Variants in MACROD2 observed in about 807,000 individuals in gnomAD.
The protein encoded by MACROD2 is mono-ADP ribosylhydrolase 2.
A neutral mutation model predicts 70.4 loss-of-function variants in MACROD2; 36 were observed. The observed-to-expected ratio is 0.51, with a 90% confidence interval of 0.39 to 0.68. MACROD2 has a LOEUF of 0.68. MACROD2 is among the 30% of genes least tolerant of loss of function. MACROD2 has a pLI of 0.00. For missense variants in MACROD2, 496 were observed against 538.4 expected (o/e 0.92, Z 0.78); for synonymous variants, 172 against 178.8 (o/e 0.96, Z 0.30).
At chr20:15,530,274 G>A (rs1329279002) in intron 8 of MACROD2, among the ~76,000 whole-genome samples, 1 of 152,130 alleles carries the variant, frequency 6.6e-6, no homozygotes, top group Non-Finnish European at 1.5e-5. Flanking sequence ...TTGGGTTAAA[G>A]ATTAAGTGAT....
At chr20:15,675,451 C>T (rs749151670) in intron 8 of MACROD2, among the ~76,000 whole-genome samples, 3 of 152,200 alleles carry the variant, frequency 2.0e-5, no homozygotes, top group African/African-American at 7.2e-5. Context: ...CTACTTTTAT[C>T]TGTGACACTA....
intron 4 of MACROD2, among the ~76,000 whole-genome samples, chr20:14,541,208 GGTACTC>G (rs1412160810): frequency 6.6e-6 from 1 of 152,022 alleles, no homozygotes; most frequent in Non-Finnish European, 1.5e-5. Flanking sequence ...TGTGACAATA[GGTACTC>G]TGAAAGGGGA....
chr20:14,924,877 G>A (rs1242208589), intron 5 of MACROD2, among the ~76,000 whole-genome samples: 2 of 151,988 alleles, frequency 1.3e-5, no homozygotes, highest in Admixed American at 6.6e-5. Context: ...GGGCTGAAAG[G>A]GAAGGTACAA....
At chr20:15,420,773 T>G (rs1276908406) in intron 6 of MACROD2, among the ~76,000 whole-genome samples, 1 of 152,146 alleles carries the variant, frequency 6.6e-6, no homozygotes, top group East Asian at 1.9e-4. Flanking sequence ...CAGAATATAT[T>G]AGGTAGAAAC....
chr20:15,361,190 A>G (rs182308023), intron 6 of MACROD2, among the ~76,000 whole-genome samples: 4 of 152,272 alleles, frequency 2.6e-5, no homozygotes, highest in Non-Finnish European at 4.4e-5. Context: ...TCATAGTTTT[A>G]TATTTTATAC....
intron 5 of MACROD2, among the ~76,000 whole-genome samples, chr20:15,063,176 C>T (rs1011810253): frequency 1.3e-5 from 2 of 152,094 alleles, no homozygotes; most frequent in African/African-American, 2.4e-5. Context: ...AACCATGATA[C>T]GCTGGAGTAA....
chr20:14,030,457 G>C (rs973835008), intron 2 of MACROD2, among the ~76,000 whole-genome samples: 1 of 151,944 alleles, frequency 6.6e-6, no homozygotes, highest in Non-Finnish European at 1.5e-5. Flanking sequence ...TGCCCAGGCT[G>C]ACGTGCAGTG....
intron 3 of MACROD2, among the ~76,000 whole-genome samples, chr20:14,300,502 A>C (rs1013528804): frequency 6.6e-6 from 1 of 152,136 alleles, no homozygotes; most frequent in African/African-American, 2.4e-5. Flanking sequence ...CATTTATTTC[A>C]AGTGGAAACT....
At chr20:15,771,766 A>G (rs2051631514) in intron 8 of MACROD2, among the ~76,000 whole-genome samples, 1 of 151,936 alleles carries the variant, frequency 6.6e-6, no homozygotes, top group Non-Finnish European at 1.5e-5. Flanking sequence ...ATATGACCCT[A>G]TAATTACACA....
intron 5 of MACROD2, among the ~76,000 whole-genome samples, chr20:14,966,143 G>A (rs944304185): frequency 6.6e-6 from 1 of 152,132 alleles, no homozygotes; most frequent in Admixed American, 6.5e-5. Context: ...AACTCCATAA[G>A]CAATAAAGCC....
chr20:15,290,310 T>C (rs1049571304), intron 6 of MACROD2, among the ~76,000 whole-genome samples: 1 of 152,214 alleles, frequency 6.6e-6, no homozygotes, highest in Admixed American at 6.5e-5. Flanking sequence ...GCATTATTTA[T>C]CTCAAAATGC....
chr20:15,245,472 G>A (rs1246841487), intron 6 of MACROD2, among the ~76,000 whole-genome samples: 2 of 152,082 alleles, frequency 1.3e-5, no homozygotes, highest in East Asian at 3.9e-4. Context: ...ATAACTGTGT[G>A]GCAACTTTTC....
chr20:14,485,756 G>A (rs1047972191), intron 3 of MACROD2, among the ~76,000 whole-genome samples: 1 of 149,962 alleles, frequency 6.7e-6, no homozygotes, highest in Non-Finnish European at 1.5e-5. Flanking sequence ...GGGAATGGTA[G>A]ATAAGAGGAG....
At chr20:14,853,141 C>T (rs1343582909) in intron 5 of MACROD2, among the ~76,000 whole-genome samples, 3 of 147,358 alleles carry the variant, frequency 2.0e-5, no homozygotes, top group African/African-American at 7.8e-5. Flanking sequence ...CATTTATTCT[C>T]ACTGAGGTGT....
intron 6 of MACROD2, among the ~76,000 whole-genome samples, chr20:15,395,722 G>A (rs1435840966): frequency 6.6e-6 from 1 of 152,284 alleles, no homozygotes; most frequent in South Asian, 2.1e-4. Flanking sequence ...AGCTTCAGGG[G>A]ACACAGATGA....
intron 8 of MACROD2, among the ~76,000 whole-genome samples, chr20:15,638,261 T>C (rs952962444): frequency 6.6e-6 from 1 of 152,154 alleles, no homozygotes; most frequent in African/African-American, 2.4e-5. Context: ...CAGACCCCTG[T>C]GCATCTCTGT....
At chr20:14,627,788 A>G (rs1984268473) in intron 4 of MACROD2, among the ~76,000 whole-genome samples, 1 of 152,214 alleles carries the variant, frequency 6.6e-6, no homozygotes, top group Non-Finnish European at 1.5e-5. Flanking sequence ...TGCTTCTCAT[A>G]TATGAGGCAG....
intron 10 of MACROD2, among the ~76,000 whole-genome samples, chr20:15,900,385 T>G (rs1392886350): frequency 6.6e-6 from 1 of 152,206 alleles, no homozygotes; most frequent in East Asian, 1.9e-4. Context: ...TACCACCATT[T>G]TGCTTTAATC....
At chr20:14,661,740 A>C (rs971752115) in intron 4 of MACROD2, among the ~76,000 whole-genome samples, 1 of 152,078 alleles carries the variant, frequency 6.6e-6, no homozygotes, top group East Asian at 1.9e-4. Context: ...GAAATTTCCA[A>C]TATTCCTATA....
Sources: allele counts gnomAD v4.1 joint callset (sites outside exome capture counted in the v4.1 genomes callset), GRCh38; gene constraint gnomAD v4.1.1; transcripts MANE v1.5; gene names NCBI Gene and HGNC (gene_info 2026-07-23, HGNC 2026-07-21).